Variants in CREB5 observed in about 807,000 individuals in gnomAD.
The protein encoded by CREB5 is cyclic AMP-responsive element-binding protein 5.
A neutral mutation model predicts 57.1 loss-of-function variants in CREB5; 19 were observed. The observed-to-expected ratio is 0.33, with a 90% confidence interval of 0.23 to 0.49. CREB5 has a LOEUF of 0.49. Among genes scored for constraint, CREB5 ranks in the 20% least tolerant of loss-of-function variants. The pLI is 0.99. For synonymous variants in CREB5, 238 were observed against 238.3 expected (o/e 1.00, Z 0.01); for missense variants, 579 against 671.6 (o/e 0.86, Z 1.52).
At chr7:28,649,249 G>A (rs753794893) in intron 5 of CREB5, among the ~76,000 whole-genome samples, 14 of 152,228 alleles carry the variant, frequency 9.2e-5, no homozygotes, top group Admixed American at 8.5e-4. Flanking sequence ...TGGCCCATGG[G>A]CCAAATTCAG....
At chr7:28,434,480 T>C (rs1788860824) in intron 1 of CREB5, among the ~76,000 whole-genome samples, 5 of 152,120 alleles carry the variant, frequency 3.3e-5, no homozygotes, top group African/African-American at 1.2e-4. Flanking sequence ...TCTTACAATA[T>C]AGAAACAACA....
chr7:28,500,960 C>T (rs1792250300), intron 3 of CREB5, among the ~76,000 whole-genome samples: 1 of 152,162 alleles, frequency 6.6e-6, no homozygotes, highest in South Asian at 2.1e-4. Flanking sequence ...AGATGGCTTG[C>T]ACCAGAGGGC....
At chr7:28,641,500 T>C (rs1470487506) in intron 5 of CREB5, among the ~76,000 whole-genome samples, 5 of 152,050 alleles carry the variant, frequency 3.3e-5, no homozygotes. Flanking sequence ...AGCACAAGGT[T>C]CTCCTGACTT....
chr7:28,737,579 ATATATATATT>A (rs1804098210), intron 7 of CREB5, among the ~76,000 whole-genome samples: 1 of 26,624 alleles, frequency 3.8e-5, no homozygotes, highest in Non-Finnish European at 1.0e-4. Context: ...ATATATATAT[ATATATATATT>A]TTTAACTCCT....
intron 7 of CREB5, among the ~76,000 whole-genome samples, chr7:28,758,789 T>C (rs1583682302): frequency 6.6e-6 from 1 of 152,242 alleles, no homozygotes; most frequent in African/African-American, 2.4e-5. Flanking sequence ...CCATGATGTA[T>C]GGAGTCCTCT....
At chr7:28,599,493 G>C (rs1435794573) in intron 5 of CREB5, among the ~76,000 whole-genome samples, 1 of 152,186 alleles carries the variant, frequency 6.6e-6, no homozygotes, top group Non-Finnish European at 1.5e-5. Flanking sequence ...AAGTGGGACT[G>C]TATGGGGGTG....
chr7:28,767,005 G>A (rs1474183645), intron 7 of CREB5, among the ~76,000 whole-genome samples: 3 of 152,188 alleles, frequency 2.0e-5, no homozygotes, highest in Non-Finnish European at 4.4e-5. Context: ...CTATACTGAT[G>A]TCAAGTTCTG....
chr7:28,406,824 G>A lies in CREB5; in HGVS notation c.-24-88082G>A, dbSNP rs762306478. Among the ~76,000 whole-genome samples, 13 of 152,322 alleles carry A rather than the reference G, an allele frequency of 8.5e-5. No homozygotes were observed. The Middle Eastern group carries it at 0.014, about 159-fold the overall frequency. Reference sequence around the variant, plus strand: ...GGCTCTGCCAGCGCATTTGACAGATGAGAGGGCTGCTTGGTCCAGATGACA... The same window carrying A: ...GGCTCTGCCAGCGCATTTGACAGATAAGAGGGCTGCTTGGTCCAGATGACA... On this transcript the variant is annotated intron_variant, in intron 1 of 9. Transcript: ENST00000396299.
intron 1 of CREB5, among the ~76,000 whole-genome samples, chr7:28,355,843 C>A (rs1266342457): frequency 6.6e-6 from 1 of 152,186 alleles, no homozygotes; most frequent in Non-Finnish European, 1.5e-5. Flanking sequence ...GGGGCTGTCA[C>A]AGAGCGTAAC....
chr7:28,358,097 T>C (rs1350187018), intron 1 of CREB5, among the ~76,000 whole-genome samples: 1 of 152,174 alleles, frequency 6.6e-6, no homozygotes, highest in Non-Finnish European at 1.5e-5. Context: ...GCATCTTGCA[T>C]ACACACTTTT....
At position 28,698,437 on chromosome 7, in the gene CREB5, C is replaced by A. The variant is rs200626098; in HGVS notation, c.465-20316C>A. Among the ~76,000 whole-genome samples the A allele has an allele frequency of 1.7e-4, 26 of 151,520 alleles. No individual in the cohort carries two copies. The East Asian group carries it at 4.9e-3, about 28-fold the overall frequency. On this transcript the variant is annotated intron_variant, in intron 5 of 10. Coordinates refer to ENST00000357727, the MANE Select transcript of CREB5 (RefSeq NM_182898.4). Reference sequence around the variant, plus strand: ...GAGTCAGGCAATTACCAGAAAATAACCCCACGACTCAAAAATACATGAGTC... The same window carrying A: ...GAGTCAGGCAATTACCAGAAAATAAACCCACGACTCAAAAATACATGAGTC...
chr7:28,413,105 TG>T (rs1491001166), intron 1 of CREB5, among the ~76,000 whole-genome samples, 188 bp downstream of exon 1: 1 of 151,586 alleles, frequency 6.6e-6, no homozygotes, highest in East Asian at 1.9e-4. Context: ...TGTGTGTGTG[TG>T]TGTGTGTGTG....
chr7:28,506,001 TG>T (rs1304242860), intron 3 of CREB5, among the ~76,000 whole-genome samples: 2 of 152,198 alleles, frequency 1.3e-5, no homozygotes, highest in Admixed American at 6.5e-5. Flanking sequence ...TACGAACAGC[TG>T]TGGTATGCTC....
chr7:28,771,971 A>T (rs1440730767), intron 7 of CREB5, among the ~76,000 whole-genome samples: 1 of 152,116 alleles, frequency 6.6e-6, no homozygotes, highest in Non-Finnish European at 1.5e-5. Flanking sequence ...TAAATTTCCC[A>T]TGAGGAGGAA....
At chr7:28,747,155 C>T (rs998481861) in intron 7 of CREB5, among the ~76,000 whole-genome samples, 2 of 151,424 alleles carry the variant, frequency 1.3e-5, no homozygotes, top group Non-Finnish European at 2.9e-5. Flanking sequence ...ATGAGGGTTG[C>T]CAGTGTGTAT....
At chr7:28,463,863 T>C (rs1029798881) in intron 1 of CREB5, among the ~76,000 whole-genome samples, 4 of 152,196 alleles carry the variant, frequency 2.6e-5, no homozygotes, top group Non-Finnish European at 4.4e-5. Flanking sequence ...ATATGTTGTC[T>C]GTGAATAGAG....
At chr7:28,810,382 A>G (rs185134993) in intron 9 of CREB5, among the ~76,000 whole-genome samples, 46 of 152,220 alleles carry the variant, frequency 3.0e-4, no homozygotes, top group African/African-American at 1.1e-3. Context: ...GTGAGACTGC[A>G]TTTTAAGAGT....
intron 5 of CREB5, among the ~76,000 whole-genome samples, chr7:28,577,142 C>T (rs773289290): frequency 6.6e-6 from 1 of 152,184 alleles, no homozygotes; most frequent in Non-Finnish European, 1.5e-5. Flanking sequence ...CTTGGCTAAG[C>T]GCTCAGCTTC....
chr7:28,664,749 G>A (rs1799749103), intron 5 of CREB5, among the ~76,000 whole-genome samples: 1 of 147,564 alleles, frequency 6.8e-6, no homozygotes, highest in South Asian at 2.1e-4. Flanking sequence ...CTTCTAGTCT[G>A]CATTAATGCA....
Sources: gnomAD v4.1 joint callset for allele counts (sites outside exome capture counted in the v4.1 genomes callset) on GRCh38, gnomAD v4.1.1 for gene constraint, MANE v1.5 for transcripts, NCBI Gene and HGNC (gene_info 2026-07-23, HGNC 2026-07-21) for gene names.